Variants in HIP1 observed in about 807,000 individuals in gnomAD.
HIP1 encodes huntingtin interacting protein 1.
HIP1 carries 65 observed loss-of-function variants against 147.6 expected under a neutral mutation model. The observed-to-expected ratio is 0.44, with a 90% CI of 0.36 to 0.54. The LOEUF is 0.54. HIP1 is among the 20% of genes least tolerant of loss of function. HIP1 has a pLI of 0.00. For missense variants in HIP1, 1,061 were observed against 1,299.6 expected, an observed-to-expected ratio of 0.82 and a Z score of 2.82; for synonymous variants, 479 against 504.0, an observed-to-expected ratio of 0.95 and a Z score of 0.67.
chr7:75,555,636 C>T, intron 18 of HIP1, 85 bp from the exon 19 acceptor site: 1 of 1,480,306 alleles, frequency 6.8e-7, no homozygotes. Flanking sequence ...CTCTTAGCAT[C>T]TTAGCTCAAG....
At chr7:75,677,961 AC>A (rs1799951409) in intron 1 of HIP1, among the ~76,000 whole-genome samples, 1 of 151,320 alleles carries the variant, frequency 6.6e-6, no homozygotes, top group African/African-American at 2.4e-5. Context: ...CTCTAATGTA[AC>A]CTCCTTCTTT....
chr7:75,581,555 G>A (rs1280242246), intron 6 of HIP1, among the ~76,000 whole-genome samples: 6 of 152,190 alleles, frequency 3.9e-5, no homozygotes, highest in African/African-American at 1.2e-4. Context: ...GAGGTGGGCG[G>A]ATCACCTGAG....
intron 1 of HIP1, among the ~76,000 whole-genome samples, chr7:75,715,472 G>A (rs1746170047): frequency 6.7e-6 from 1 of 148,500 alleles, no homozygotes; most frequent in South Asian, 2.2e-4. Flanking sequence ...GAGAGAGAGA[G>A]AGAGAGAGAG....
chr7:75,553,217 C>T (rs975532192), intron 22 of HIP1, among the ~76,000 whole-genome samples: 3 of 151,902 alleles, frequency 2.0e-5, no homozygotes, highest in Non-Finnish European at 2.9e-5. Context: ...GGATTACAGG[C>T]GTGAGCCATC....
intron 24 of HIP1, 100 bp downstream of exon 24, chr7:75,547,655 A>G (rs1794620674): frequency 2.1e-6 from 2 of 946,868 alleles, no homozygotes; most frequent in Non-Finnish European, 3.5e-6. Flanking sequence ...CGTGGCTGCT[A>G]CTGCTCTCCT....
chr7:75,574,149 C>G (rs933875534), intron 7 of HIP1, among the ~76,000 whole-genome samples: 2 of 152,086 alleles, frequency 1.3e-5, no homozygotes, highest in Non-Finnish European at 2.9e-5. Context: ...TTTTGTTAGC[C>G]GAGCATGGTG....
At chr7:75,616,465 G>C (rs1415136785) in intron 1 of HIP1, among the ~76,000 whole-genome samples, 1 of 152,082 alleles carries the variant, frequency 6.6e-6, no homozygotes, top group Non-Finnish European at 1.5e-5. Context: ...TAGAGACCGG[G>C]TCTCACTTTG....
At chr7:75,569,911 A>T (rs889406225) in intron 8 of HIP1, among the ~76,000 whole-genome samples, 1 of 152,010 alleles carries the variant, frequency 6.6e-6, no homozygotes, top group African/African-American at 2.4e-5. Flanking sequence ...ATTCGGTAAA[A>T]ACTGTGACAA....
rs1794025977 is a variant in HIP1 at position 75,534,867 on chromosome 7, G to T, written c.*3305C>A. 4.8e-6 allele frequency: 1 copy of T among 206,814 alleles called. No homozygotes were observed. The highest frequency in any genetic ancestry group is 9.9e-6 in the Non-Finnish European group (1 of 101,278). 12.8% of individuals were successfully genotyped at this position (206,814 alleles called of 1,614,324 possible). ...CATGATTTTGTTGCTGTCCCATCTT[G>T]TCATGACCCATTTACGCTCACCCGA... On this transcript the variant is annotated 3_prime_UTR_variant, in exon 31 of 31. Coordinates refer to ENST00000336926, the MANE Select transcript of HIP1 (RefSeq NM_005338.7).
rs572136575 is a variant in HIP1 at position 75,682,427 on chromosome 7, G to GTT, written c.120+56372_120+56373dup. 4.9e-5 allele frequency among the ~76,000 whole-genome samples: 7 copies of GTT among 144,174 alleles called. No homozygotes were observed. The East Asian group carries it at 8.1e-4, about 17-fold the overall frequency. The allele number at this position is 144,174 out of a possible 152,430, so 94.6% of individuals were successfully genotyped here. On this transcript the variant is annotated intron_variant, in intron 1 of 30. Transcript: ENST00000336926. The stretch of plus-strand genomic sequence containing the variant: ...GGCTACATGCTACTATAGCCAGCTA[G>GTT]TTTTTTTTTTTTTCTAAAGGTGGGA...
chr7:75,717,736 C>T (rs568554698), intron 1 of HIP1, among the ~76,000 whole-genome samples: 139 of 150,516 alleles, frequency 9.2e-4, no homozygotes, highest in African/African-American at 3.2e-3. Context: ...TTTGGGAGGC[C>T]GAGGTGGGCA....
chr7:75,691,938 G>T (rs1584954753), intron 1 of HIP1, among the ~76,000 whole-genome samples: 1 of 152,122 alleles, frequency 6.6e-6, no homozygotes, highest in East Asian at 1.9e-4. Context: ...CAGGGGGTGG[G>T]GAGGGGTGAA....
chr7:75,672,919 C>T (rs1799769380), intron 1 of HIP1, among the ~76,000 whole-genome samples: 1 of 152,110 alleles, frequency 6.6e-6, no homozygotes, highest in African/African-American at 2.4e-5. Context: ...TATTTCTGGA[C>T]CCCCAATTCC....
intron 6 of HIP1, 110 bp from the exon 7 acceptor site, chr7:75,581,408 C>T (rs587704230): frequency 1.2e-4 from 89 of 735,516 alleles, no homozygotes; most frequent in African/African-American, 3.1e-4. Context: ...CATGTGCATG[C>T]GCAAACACAC....
chr7:75,661,099 C>G (rs2117212705), intron 1 of HIP1, among the ~76,000 whole-genome samples: 1 of 151,830 alleles, frequency 6.6e-6, no homozygotes, highest in Non-Finnish European at 1.5e-5. Context: ...GGCAACATGG[C>G]AAAATCCCGT....
chr7:75,663,592 C>T lies in HIP1; in HGVS notation c.121-64345G>A, dbSNP rs564192384. The stretch of plus-strand genomic sequence containing the variant: ...TGCATCACTGACCTCTGTGCAGGGA[C>T]AGCTCTGAGGATGGCCAGGGTGGAG... On this transcript the variant is annotated intron_variant, in intron 1 of 30. Coordinates refer to ENST00000336926, the MANE Select transcript of HIP1 (RefSeq NM_005338.7). 3.9e-5 allele frequency among the ~76,000 whole-genome samples: 6 copies of T among 152,030 alleles called. No individual in the cohort carries two copies. The South Asian group carries it at 1.2e-3, about 32-fold the overall frequency.
In HIP1 at chr7:75,693,869, T is replaced by C. The variant is rs1412880326; in HGVS notation, c.120+44932A>G. Among the ~76,000 whole-genome samples, 6 of 151,232 alleles carry C rather than the reference T, an allele frequency of 4.0e-5. No homozygotes were observed. The Admixed American group carries it at 4.0e-4, about 10-fold the overall frequency. On this transcript the variant is annotated intron_variant, in intron 1 of 30. Transcript: ENST00000336926. Reference sequence around the variant, plus strand: ...ACCAATGCTGATGACAAGCAATATCTAGCATCCAGTGTGGCTCTTGAAAAG... The same window carrying C: ...ACCAATGCTGATGACAAGCAATATCCAGCATCCAGTGTGGCTCTTGAAAAG...
chr7:75,554,661 C>T (rs939204914), intron 19 of HIP1, 135 bp from the exon 20 acceptor site: 5 of 624,666 alleles, frequency 8.0e-6, no homozygotes, highest in East Asian at 2.8e-5. Context: ...TGAGTAATCA[C>T]CTCTTGATTC....
At position 75,536,929 on chromosome 7, in the gene HIP1, T is replaced by C; in HGVS notation, c.*1243A>G. ...GGGTAGCAAACCAAGTATAGGGTTC[T>C]TCCCTGATGGGAGCAATTGCATCTG... is the stretch of plus-strand genomic sequence containing the variant. On this transcript the variant is annotated 3_prime_UTR_variant, in exon 31 of 31. Transcript: ENST00000336926. 4.3e-6 allele frequency: 1 copy of C among 231,286 alleles called. No homozygotes were observed. Among genetic ancestry groups the C allele is most frequent in the African/African-American group, 2.2e-5 (1 of 45,334 alleles). The allele number at this position is 231,286 out of a possible 1,614,324, so 14.3% of individuals were successfully genotyped here.
Sources: allele counts gnomAD v4.1 joint callset (sites outside exome capture counted in the v4.1 genomes callset), GRCh38; gene constraint gnomAD v4.1.1; transcripts MANE v1.5; gene names NCBI Gene and HGNC (gene_info 2026-07-23, HGNC 2026-07-21).